ARHGAP15: variants seen among roughly 807,000 people sequenced by gnomAD.
The protein encoded by ARHGAP15 is rho GTPase-activating protein 15.
Under a neutral mutation model 63.7 loss-of-function variants are expected in ARHGAP15, and 51 were observed. The ratio of observed to expected loss-of-function variants is 0.80; its 90% CI spans 0.64 to 1.01. ARHGAP15 has a LOEUF of 1.01. ARHGAP15 is among the 50% of genes least tolerant of loss of function. The pLI is 0.00. For synonymous variants in ARHGAP15, 191 were observed against 193.8 expected, an observed-to-expected ratio of 0.99 and a Z score of 0.12; for missense variants, 560 against 564.6, an observed-to-expected ratio of 0.99 and a Z score of 0.08.
chr2:143,328,661 C>T (rs1469606803), intron 6 of ARHGAP15, among the ~76,000 whole-genome samples: 2 of 152,122 alleles, frequency 1.3e-5, no homozygotes, highest in African/African-American at 4.8e-5. Context: ...TGCAGCAAAC[C>T]ACCATGGCAC....
chr2:143,486,531 C>A (rs1466218289), intron 8 of ARHGAP15, among the ~76,000 whole-genome samples: 2 of 151,962 alleles, frequency 1.3e-5, no homozygotes, highest in African/African-American at 2.4e-5. Flanking sequence ...CACACCACTA[C>A]ACTCCAGCCT....
At chr2:143,728,007 A>G (rs947637577) in intron 13 of ARHGAP15, among the ~76,000 whole-genome samples, 4 of 152,222 alleles carry the variant, frequency 2.6e-5, no homozygotes, top group Non-Finnish European at 4.4e-5. Context: ...GCAGTGTTCA[A>G]TGTGAATCTG....
intron 10 of ARHGAP15, among the ~76,000 whole-genome samples, chr2:143,540,176 T>G (rs1694979912): frequency 6.6e-6 from 1 of 152,202 alleles, no homozygotes; most frequent in South Asian, 2.1e-4. Flanking sequence ...GTTTAAAGTC[T>G]GTTTTGTCAG....
chr2:143,554,908 C>T (rs1394723598), intron 10 of ARHGAP15, among the ~76,000 whole-genome samples: 4 of 152,104 alleles, frequency 2.6e-5, no homozygotes, highest in African/African-American at 9.7e-5. Context: ...GAAACTTTCA[C>T]CACTGGCTAA....
chr2:143,381,257 C>T (rs930844898), intron 6 of ARHGAP15, among the ~76,000 whole-genome samples: 1 of 151,960 alleles, frequency 6.6e-6, no homozygotes, highest in African/African-American at 2.4e-5. Context: ...TTATATTCTC[C>T]CCAGATGATT....
intron 11 of ARHGAP15, among the ~76,000 whole-genome samples, chr2:143,593,067 A>G (rs1310097575): frequency 6.6e-6 from 1 of 152,220 alleles, no homozygotes; most frequent in Non-Finnish European, 1.5e-5. Context: ...TTTGTGGACA[A>G]ATTGGATTCA....
chr2:143,184,214 C>G (rs1447208640), intron 2 of ARHGAP15, among the ~76,000 whole-genome samples: 1 of 152,176 alleles, frequency 6.6e-6, no homozygotes, highest in Non-Finnish European at 1.5e-5. Context: ...GTCTGAAGGA[C>G]AAGTGCCTTT....
At chr2:143,286,922 A>G (rs1045863393) in intron 6 of ARHGAP15, among the ~76,000 whole-genome samples, 1 of 152,164 alleles carries the variant, frequency 6.6e-6, no homozygotes, top group Non-Finnish European at 1.5e-5. Context: ...CATTGATCTT[A>G]TGGGATCACC....
chr2:143,685,915 C>T (rs568951477), intron 12 of ARHGAP15, among the ~76,000 whole-genome samples: 5 of 151,768 alleles, frequency 3.3e-5, no homozygotes, highest in Admixed American at 2.6e-4. Flanking sequence ...GTCTTCAAAT[C>T]GAAATCTCTC....
chr2:143,517,513 C>T (rs184018524), intron 9 of ARHGAP15, among the ~76,000 whole-genome samples: 1 of 152,166 alleles, frequency 6.6e-6, no homozygotes, highest in Admixed American at 6.5e-5. Flanking sequence ...TCTTGCAGTC[C>T]CTCATTCTAC....
At position 143,258,238 on chromosome 2, in the gene ARHGAP15, CA is replaced by C. The variant is rs1259961098; in HGVS notation, c.474+7640del. ...AAGGTAATGAAGCTGGATCTGAAAG[CA>C]AGAGAAAAAATACATATATATATAT... On this transcript the variant is annotated intron_variant, in intron 6 of 13. Transcript: ENST00000295095. Among the ~76,000 whole-genome samples the C allele has an allele frequency of 6.9e-5, 10 of 145,550 alleles. No homozygotes were observed. In the Admixed American group the frequency reaches 7.0e-4, roughly 10 times the overall value.
intron 12 of ARHGAP15, among the ~76,000 whole-genome samples, chr2:143,671,471 A>G (rs1035870624): frequency 2.0e-5 from 3 of 152,182 alleles, no homozygotes; most frequent in African/African-American, 7.2e-5. Flanking sequence ...TGATTTGACT[A>G]AAGAACTTCA....
At chr2:143,396,111 C>T (rs140039831) in intron 6 of ARHGAP15, among the ~76,000 whole-genome samples, 46 of 151,646 alleles carry the variant, frequency 3.0e-4, no homozygotes, top group Non-Finnish European at 6.2e-4. Flanking sequence ...GAGCAAATTT[C>T]TCTCTTAAAA....
At chr2:143,556,330 T>C (rs1695796339) in intron 10 of ARHGAP15, 78 bp from the exon 11 acceptor site, 1 of 1,099,274 alleles carries the variant, frequency 9.1e-7, no homozygotes, top group Non-Finnish European at 1.3e-6. Context: ...TTTGATTTAC[T>C]CCTTCTTTTC....
intron 1 of ARHGAP15, among the ~76,000 whole-genome samples, chr2:143,136,800 A>G (rs1689160400): frequency 6.6e-6 from 1 of 152,062 alleles, no homozygotes; most frequent in African/African-American, 2.4e-5. Flanking sequence ...TTCTATTGAT[A>G]TACTTTTATA....
intron 2 of ARHGAP15, among the ~76,000 whole-genome samples, chr2:143,183,541 T>C (rs912413427): frequency 7.2e-5 from 11 of 151,946 alleles, no homozygotes; most frequent in African/African-American, 2.7e-4. Flanking sequence ...TGATTAAGTA[T>C]ATAAAAGTAT....
chr2:143,344,668 A>T (rs1685194006), intron 6 of ARHGAP15, among the ~76,000 whole-genome samples: 1 of 152,170 alleles, frequency 6.6e-6, no homozygotes, highest in South Asian at 2.1e-4. Flanking sequence ...TGAGAATATT[A>T]TGCAGACCAT....
intron 2 of ARHGAP15, among the ~76,000 whole-genome samples, chr2:143,189,118 A>G (rs1443258451): frequency 6.6e-6 from 1 of 152,206 alleles, no homozygotes; most frequent in Non-Finnish European, 1.5e-5. Flanking sequence ...ATAGGTGGAC[A>G]ATATTTTCTC....
intron 6 of ARHGAP15, among the ~76,000 whole-genome samples, chr2:143,406,132 A>G (rs1026043097): frequency 4.0e-5 from 6 of 151,740 alleles, no homozygotes; most frequent in African/African-American, 1.5e-4. Flanking sequence ...TTGTTTTCTC[A>G]TATCTATTGG....
Sources: gnomAD v4.1 joint callset for allele counts (sites outside exome capture counted in the v4.1 genomes callset) on GRCh38, gnomAD v4.1.1 for gene constraint, MANE v1.5 for transcripts, NCBI Gene and HGNC (gene_info 2026-07-23, HGNC 2026-07-21) for gene names.